The following MFSD8 variants were observed in gnomAD, a reference collection of about 807,000 sequenced individuals.
The protein encoded by MFSD8 is major facilitator superfamily domain containing 8.
In MFSD8, 55 loss-of-function variants were observed where a neutral mutation model predicts 66.4. The observed-to-expected ratio is 0.83, with a 90% confidence interval of 0.67 to 1.04. MFSD8 has a LOEUF of 1.04. MFSD8 is among the 50% of genes least tolerant of loss of function. The probability of loss-of-function intolerance (pLI) is 0.00; values close to 1 mark genes in which losing one functional copy is unlikely to be tolerated. For missense variants in MFSD8, 550 were observed against 627.6 expected (o/e 0.88, Z 1.32); for synonymous variants, 202 against 212.8 (o/e 0.95, Z 0.44).
rs1736384043 is a variant in MFSD8, at chr4:127,921,842, A to C, written c.1102+18T>G. The C allele has an allele frequency of 6.2e-7, 1 of 1,612,834 alleles. No individual in the cohort carries two copies. Among genetic ancestry groups the C allele is most frequent in the African/African-American group, 1.3e-5 (1 of 74,928 alleles). Reference sequence around the variant, plus strand: ...TAAATAACAGAGGTTAACATTATAGAATTATGTATGGCTATACCTTCCCAC... The same window carrying C: ...TAAATAACAGAGGTTAACATTATAGCATTATGTATGGCTATACCTTCCCAC... On this transcript the variant is annotated intron_variant, in intron 10 of 11. Transcript: ENST00000641686.
chr4:127,947,316 G>A (rs1741205414), intron 3 of MFSD8, among the ~76,000 whole-genome samples: 1 of 151,958 alleles, frequency 6.6e-6, no homozygotes. Flanking sequence ...CTTGAACCCA[G>A]GAGGTGGAAA....
intron 9 of MFSD8, among the ~76,000 whole-genome samples, chr4:127,930,369 A>G (rs1737922942): frequency 6.6e-6 from 1 of 152,238 alleles, no homozygotes; most frequent in Non-Finnish European, 1.5e-5. Flanking sequence ...AAGATTTTCC[A>G]AACTTAACCA....
At position 127,943,771 on chromosome 4, in the gene MFSD8, T is replaced by C. The variant is rs1254995071; in HGVS notation, c.420A>G (p.Gly140=). Residue 140 remains glycine (G), a synonymous_variant, in exon 4 of 12, where the codon GGA becomes GGG. Coordinates refer to ENST00000641686, the MANE Select transcript of MFSD8 (RefSeq NM_001371596.2). ...HNKYYMLVAR[G]LLGIGAGNVA... is the part of the protein sequence containing the mutation. ...CCTTACCTGCTCCAATTCCCAACAA[T>C]CCACGAGCAACCAGCATGTAGTATT... is the stretch of plus-strand genomic sequence containing the variant. 1 of 1,614,056 alleles carries C rather than the reference T, an allele frequency of 6.2e-7. No homozygotes were observed. The highest frequency in any genetic ancestry group is 1.7e-5 in the Admixed American group (1 of 60,012).
chr4:127,940,953 C>T (rs879265293), intron 5 of MFSD8, among the ~76,000 whole-genome samples: 76 of 152,076 alleles, frequency 5.0e-4, no homozygotes, highest in Admixed American at 2.2e-3. Context: ...GTCATCGAAG[C>T]TTTTCAGGCT....
intron 3 of MFSD8, among the ~76,000 whole-genome samples, chr4:127,945,099 G>A (rs1454653682): frequency 6.6e-6 from 1 of 152,178 alleles, no homozygotes; most frequent in South Asian, 2.1e-4. Flanking sequence ...GAGCCCAGGA[G>A]TTGGAGGCTG....
At chr4:127,963,762 C>A (rs1744294556) in intron 1 of MFSD8, among the ~76,000 whole-genome samples, 1 of 152,198 alleles carries the variant, frequency 6.6e-6, no homozygotes, top group Admixed American at 6.5e-5. Flanking sequence ...AGCTTCCACA[C>A]TGTGGAAAGG....
intron 2 of MFSD8, among the ~76,000 whole-genome samples, chr4:127,953,937 T>C (rs532122931): frequency 2.6e-5 from 4 of 152,292 alleles, no homozygotes; most frequent in East Asian, 1.9e-4. Context: ...TTGGGGTAAA[T>C]AGAAAATATA....
chr4:127,942,429 T>G (rs2148916818), intron 4 of MFSD8, among the ~76,000 whole-genome samples: 1 of 152,294 alleles, frequency 6.6e-6, no homozygotes, highest in South Asian at 2.1e-4. Context: ...GCACAGTGGC[T>G]CACATCTGTA....
chr4:127,925,372 C>T (rs1283706411), intron 9 of MFSD8, among the ~76,000 whole-genome samples: 4 of 152,072 alleles, frequency 2.6e-5, no homozygotes, highest in African/African-American at 9.7e-5. Context: ...CCAGAATCTA[C>T]AAGGAACTTA....
chr4:127,956,269 G>A (rs1742844201), intron 2 of MFSD8, among the ~76,000 whole-genome samples: 1 of 152,036 alleles, frequency 6.6e-6, no homozygotes, highest in Non-Finnish European at 1.5e-5. Flanking sequence ...ACTTTGGGAG[G>A]CTGAGTCTGG....
intron 2 of MFSD8, among the ~76,000 whole-genome samples, chr4:127,956,037 C>T (rs1364644114): frequency 1.3e-5 from 2 of 151,920 alleles, no homozygotes; most frequent in East Asian, 2.0e-4. Context: ...AAGAATTGCT[C>T]GAACCCAGGA....
At chr4:127,957,137 T>C (rs1166047660) in intron 2 of MFSD8, among the ~76,000 whole-genome samples, 1 of 152,120 alleles carries the variant, frequency 6.6e-6, no homozygotes, top group South Asian at 2.1e-4. Flanking sequence ...TTGAGGACAT[T>C]GAGTGAAATA....
At chr4:127,944,889 G>T (rs573558051) in intron 3 of MFSD8, among the ~76,000 whole-genome samples, 2 of 152,046 alleles carry the variant, frequency 1.3e-5, no homozygotes, top group African/African-American at 4.8e-5. Flanking sequence ...TGAACTTCCC[G>T]CCTCCAACTC....
At chr4:127,962,139 A>G (rs1743884167) in intron 1 of MFSD8, among the ~76,000 whole-genome samples, 1 of 152,188 alleles carries the variant, frequency 6.6e-6, no homozygotes. Context: ...AAAACTAAAA[A>G]GCAGACGTAA....
chr4:127,928,147 G>T (rs765974326), intron 9 of MFSD8, among the ~76,000 whole-genome samples: 1 of 152,106 alleles, frequency 6.6e-6, no homozygotes, highest in Non-Finnish European at 1.5e-5. Context: ...CACCTCCCAG[G>T]TTGAAGCGAT....
chr4:127,944,196 A>G lies in MFSD8; in HGVS notation c.199-204T>C, dbSNP rs538078993. On this transcript the variant is annotated intron_variant, in intron 3 of 11. Transcript: ENST00000641686. ...GCTAACAATAGACTGTACACAAGGG[A>G]AAAATGCTTGGGAGGCTCATTTTTA... 5.3e-5 allele frequency among the ~76,000 whole-genome samples: 8 copies of G among 152,320 alleles called. No homozygotes were observed. In the South Asian group the frequency reaches 1.5e-3, roughly 28 times the overall value.
chr4:127,958,721 A>T (rs1743279014), intron 1 of MFSD8, among the ~76,000 whole-genome samples: 2 of 152,286 alleles, frequency 1.3e-5, no homozygotes, highest in South Asian at 4.1e-4. Context: ...GAATTTGAAT[A>T]AAAAACCAGA....
rs1027413438 is a variant in MFSD8, at chr4:127,919,568, T to C, written c.*1062A>G. 1.4e-4 allele frequency: 22 copies of C among 152,188 alleles called. No individual in the cohort carries two copies. Among genetic ancestry groups the C allele is most frequent in the African/African-American group, 4.1e-4 (17 of 41,442 alleles). The allele number at this position is 152,188 out of a possible 1,614,324, so 9.4% of individuals were successfully genotyped here. On this transcript the variant is annotated 3_prime_UTR_variant, in exon 12 of 12. Transcript: ENST00000641686. ...ACTTCAGGTAAACTCAGTAAATTGT[T>C]AGATTAAAGCCATTTTGCCTCAAAT...
At chr4:127,921,356 C>T in intron 11 of MFSD8, 168 bp downstream of exon 11, 1 of 1,134,820 alleles carries the variant, frequency 8.8e-7, no homozygotes, top group Non-Finnish European at 1.2e-6. Context: ...ACATAACCTA[C>T]CCAAGAATGA....
Sources: allele counts gnomAD v4.1 joint callset (sites outside exome capture counted in the v4.1 genomes callset), GRCh38; gene constraint gnomAD v4.1.1; transcripts MANE v1.5; gene names NCBI Gene and HGNC (gene_info 2026-07-23, HGNC 2026-07-21).